The following TTC7B variants were observed in gnomAD, a reference collection of about 807,000 sequenced individuals.
TTC7B encodes tetratricopeptide repeat domain 7B.
In TTC7B, 28 loss-of-function variants were observed where a neutral mutation model predicts 106.8. The observed-to-expected ratio is 0.26, with a 90% CI of 0.19 to 0.36. The LOEUF is 0.36. Ranked by LOEUF, TTC7B falls within the 10% of genes least tolerant of loss-of-function variation. The pLI is 1.00. For missense variants in TTC7B, 862 were observed against 1,076.4 expected, an observed-to-expected ratio of 0.80 and a Z score of 2.79; for synonymous variants, 405 against 430.6, an observed-to-expected ratio of 0.94 and a Z score of 0.74.
intron 19 of TTC7B, among the ~76,000 whole-genome samples, chr14:90,571,005 G>A (rs1478607587): frequency 1.3e-5 from 2 of 152,068 alleles, no homozygotes; most frequent in Non-Finnish European, 2.9e-5. Flanking sequence ...GGTTCCTAAG[G>A]GACCACACCA....
At chr14:90,645,756 C>T (rs1885418869) in intron 14 of TTC7B, among the ~76,000 whole-genome samples, 2 of 152,196 alleles carry the variant, frequency 1.3e-5, no homozygotes, top group Admixed American at 1.3e-4. Flanking sequence ...GGGATAGCTG[C>T]CTTGAAGGAA....
chr14:90,709,214 C>T (rs1411776912), intron 5 of TTC7B, among the ~76,000 whole-genome samples: 2 of 151,138 alleles, frequency 1.3e-5, no homozygotes, highest in Non-Finnish European at 3.0e-5. Flanking sequence ...ATAAATCATG[C>T]TGCTATAAAG....
At chr14:90,558,269 C>A (rs186592284) in intron 19 of TTC7B, among the ~76,000 whole-genome samples, 2 of 152,210 alleles carry the variant, frequency 1.3e-5, no homozygotes, top group African/African-American at 4.8e-5. Context: ...AGGTAAGCCC[C>A]GTCTAGATCT....
chr14:90,606,756 C>G (rs919816853), intron 17 of TTC7B, among the ~76,000 whole-genome samples: 6 of 152,186 alleles, frequency 3.9e-5, no homozygotes, highest in Non-Finnish European at 8.8e-5. Flanking sequence ...AAATTCCACT[C>G]TATTAGCTAC....
chr14:90,541,204 AGAG>A lies in TTC7B; in HGVS notation c.*161_*163del. On this transcript the variant is annotated 3_prime_UTR_variant, in exon 20 of 20. Transcript: ENST00000328459. ...AAAAACAAGAGAAACGCACATGGCG[AGAG>A]CGATGATTCGGGGTTGGTTTGGTTG... is the stretch of plus-strand genomic sequence containing the variant. 1.8e-6 allele frequency: 1 copy of A among 541,566 alleles called. No individual in the cohort carries two copies. Among genetic ancestry groups the A allele is most frequent in the Admixed American group, 3.5e-5 (1 of 28,652 alleles). 33.5% of individuals were successfully genotyped at this position (541,566 alleles called of 1,614,324 possible).
intron 3 of TTC7B, among the ~76,000 whole-genome samples, chr14:90,755,384 A>G (rs1187818020): frequency 6.6e-6 from 1 of 152,224 alleles, no homozygotes; most frequent in Non-Finnish European, 1.5e-5. Context: ...ACAGTGGCTC[A>G]TGCCTGTAAC....
chr14:90,594,089 C>T (rs182977605), intron 17 of TTC7B, among the ~76,000 whole-genome samples: 8 of 152,272 alleles, frequency 5.3e-5, no homozygotes, highest in Admixed American at 5.2e-4. Context: ...CAGCAACTTC[C>T]CGTTTCATTA....
rs1886019358 is a variant in TTC7B at position 90,657,989 on chromosome 14, C to A, written c.1236+315G>T. 5.8e-6 allele frequency: 2 copies of A among 345,198 alleles called. No individual in the cohort carries two copies. Among genetic ancestry groups the A allele is most frequent in the Non-Finnish European group, 1.1e-5 (2 of 182,196 alleles). 21.4% of individuals were successfully genotyped at this position (345,198 alleles called of 1,614,324 possible). On this transcript the variant is annotated intron_variant, in intron 10 of 19. Coordinates refer to ENST00000328459, the MANE Select transcript of TTC7B (RefSeq NM_001010854.2). This position sits in a 1 kb window ranked among gnomAD's most constrained non-coding sequence, Gnocchi z 4.2. ...ACCAACAGGTTTCCCCTCCAGGAAT[C>A]AGCTTAACTCTCAGATGAGTGGAGG...
At chr14:90,550,157 C>A (rs1296089232) in intron 19 of TTC7B, among the ~76,000 whole-genome samples, 1 of 152,100 alleles carries the variant, frequency 6.6e-6, no homozygotes, top group East Asian at 1.9e-4. Context: ...CTCACCTACC[C>A]CAGACCCTAA....
intron 9 of TTC7B, chr14:90,676,236 T>G (rs368185920): frequency 1.7e-5 from 1 of 57,680 alleles, no homozygotes; most frequent in Non-Finnish European, 3.1e-5. Flanking sequence ...TTTCAGTTGG[T>G]GGAAAGAGAA....
intron 18 of TTC7B, among the ~76,000 whole-genome samples, chr14:90,588,605 T>A (rs932279577): frequency 6.6e-6 from 1 of 152,186 alleles, no homozygotes; most frequent in African/African-American, 2.4e-5. Context: ...CCACATCCCA[T>A]GCTCTAATGG....
rs8019105 is a variant in TTC7B at position 90,799,626 on chromosome 14, G to T, written c.122-13298C>A. 3.3e-4 allele frequency among the ~76,000 whole-genome samples: 50 copies of T among 152,226 alleles called. 1 individual carries two copies. The highest frequency in any genetic ancestry group is 1.1e-3 in the African/African-American group (45 of 41,544). On this transcript the variant is annotated intron_variant, in intron 1 of 19. Coordinates refer to ENST00000328459, the MANE Select transcript of TTC7B (RefSeq NM_001010854.2). ...AGGAGAGGGAGCAGCTCCTGGAAAGGCCCCGAGGTGTGAACAGAGCTGGTG... is the reference window on the plus strand; with the variant it reads ...AGGAGAGGGAGCAGCTCCTGGAAAGTCCCCGAGGTGTGAACAGAGCTGGTG...
chr14:90,645,897 A>G (rs1885424589), intron 14 of TTC7B, among the ~76,000 whole-genome samples: 1 of 152,218 alleles, frequency 6.6e-6, no homozygotes, highest in Admixed American at 6.5e-5. Context: ...CCAGTGAGAA[A>G]GACAGATACT....
chr14:90,694,720 A>ATATTTTATTTTATTATAAAATC (rs60637908), intron 6 of TTC7B, among the ~76,000 whole-genome samples: 1 of 130,410 alleles, frequency 7.7e-6, no homozygotes, highest in Non-Finnish European at 1.6e-5. Context: ...ATTATAAAAT[A>ATATTTTATTTTATTATAAAATC]GGTATATTTT....
At chr14:90,587,790 G>A (rs1461344704) in intron 18 of TTC7B, among the ~76,000 whole-genome samples, 1 of 152,194 alleles carries the variant, frequency 6.6e-6, no homozygotes, top group East Asian at 1.9e-4. Context: ...ACAACTGAGT[G>A]CCTACTGTGG....
intron 1 of TTC7B, among the ~76,000 whole-genome samples, chr14:90,801,363 C>T (rs1169196851): frequency 2.6e-5 from 4 of 152,134 alleles, no homozygotes; most frequent in Admixed American, 6.6e-5. Context: ...CCCAGTGAGA[C>T]CCATTTCTGA....
intron 2 of TTC7B, among the ~76,000 whole-genome samples, chr14:90,784,572 TATGAGATGG>T: frequency 6.6e-6 from 1 of 150,464 alleles, no homozygotes; most frequent in Non-Finnish European, 1.5e-5. Flanking sequence ...AAAAAAAACA[TATGAGATGG>T]ATGAGATGGA....
At chr14:90,586,301 G>A (rs904665993) in intron 18 of TTC7B, among the ~76,000 whole-genome samples, 7 of 152,008 alleles carry the variant, frequency 4.6e-5, no homozygotes, top group African/African-American at 1.5e-4. Context: ...GTGGAGTTTC[G>A]CTCTTGTTGC....
intron 5 of TTC7B, among the ~76,000 whole-genome samples, chr14:90,695,878 T>C (rs1887726004): frequency 6.7e-6 from 1 of 150,358 alleles, no homozygotes; most frequent in Admixed American, 6.6e-5. Flanking sequence ...AAACTCTCAA[T>C]GGCTCTATAG....
Sources: gnomAD v4.1 joint callset for allele counts (sites outside exome capture counted in the v4.1 genomes callset) on GRCh38, gnomAD v4.1.1 for gene constraint, Gnocchi (gnomAD v3.1) non-coding constraint, MANE v1.5 for transcripts, NCBI Gene and HGNC (gene_info 2026-07-23, HGNC 2026-07-21) for gene names.